The following ABCG8 variants were observed in gnomAD, a reference collection of about 807,000 sequenced individuals.
The protein encoded by ABCG8 is ATP binding cassette subfamily G member 8, also known as ATP-binding cassette sub-family G member 8.
In ABCG8, 81 loss-of-function variants were observed where a neutral mutation model predicts 71.3. That is an observed-to-expected ratio of 1.14 (90% CI 0.95 to 1.37). The LOEUF is 1.37. Among genes scored for constraint, ABCG8 ranks in the 40% most tolerant of loss-of-function variants. The probability of loss-of-function intolerance (pLI) is 0.00; values close to 1 mark genes in which losing one functional copy is unlikely to be tolerated. For synonymous variants in ABCG8, 451 were observed against 354.7 expected, an observed-to-expected ratio of 1.27 and a Z score of -3.05; for missense variants, 1,119 against 866.2, an observed-to-expected ratio of 1.29 and a Z score of -3.66.
intron 8 of ABCG8, among the ~76,000 whole-genome samples, 158 bp from the exon 9 acceptor site, chr2:43,873,629 G>T (rs778457188): frequency 1.3e-4 from 20 of 152,128 alleles, no homozygotes; most frequent in Non-Finnish European, 2.5e-4. Context: ...GCTGTCATCA[G>T]TTTTCTGATT....
At chr2:43,857,631 A>C (rs1410799863) in intron 6 of ABCG8, among the ~76,000 whole-genome samples, 1 of 151,766 alleles carries the variant, frequency 6.6e-6, no homozygotes, top group Non-Finnish European at 1.5e-5. Context: ...CACCACCTAG[A>C]TAGAACTCTC....
Position 43,882,664 on chromosome 2 carries a change from CCT to C in ABCG8, c.*4752_*4753del, listed in dbSNP as rs1322839376. ...GTGGCCTGGGTACAGAGCAACATCC[CCT>C]GTCTTTATCACATGAGCTCTGCCTG... On this transcript the variant is annotated 3_prime_UTR_variant, in exon 13 of 13. Coordinates refer to ENST00000272286, the MANE Select transcript of ABCG8 (RefSeq NM_022437.3). 2.0e-5 allele frequency: 3 copies of C among 152,300 alleles called. No homozygotes were observed. The East Asian group carries it at 5.8e-4, about 29-fold the overall frequency. The allele number at this position is 152,300 out of a possible 1,614,324, so 9.4% of individuals were successfully genotyped here.
chr2:43,876,448 G>A (rs1669961398), intron 11 of ABCG8, among the ~76,000 whole-genome samples: 1 of 151,570 alleles, frequency 6.6e-6, no homozygotes, highest in Non-Finnish European at 1.5e-5. Flanking sequence ...GGGAGACTGT[G>A]TCGATATAAA....
At chr2:43,872,415 A>G (rs759086250) in intron 8 of ABCG8, 109 bp downstream of exon 8, 11 of 1,306,732 alleles carry the variant, frequency 8.4e-6, no homozygotes, top group Non-Finnish European at 1.2e-5. Context: ...TGAGAGGTAG[A>G]GTCATTTGAA....
chr2:43,870,240 G>T (rs2104942867), intron 6 of ABCG8, among the ~76,000 whole-genome samples: 1 of 151,580 alleles, frequency 6.6e-6, no homozygotes, highest in African/African-American at 2.4e-5. Context: ...TCACTCTCTG[G>T]ATAGAACTAG....
rs763045725 is a variant in ABCG8, at chr2:43,852,742, T to A, written c.838T>A (p.Phe280Ile). 1 of 1,614,050 alleles carries A rather than the reference T, an allele frequency of 6.2e-7. No individual in the cohort carries two copies. The highest frequency in any genetic ancestry group is 1.3e-5 in the African/African-American group (1 of 74,922). The stretch of plus-strand genomic sequence containing the variant: ...GCCTCGCTCTGACATCTTCAGGCTG[T>A]TTGATCTGGTCCTCCTGATGACGTC... ...HQPRSDIFRL[F>I]DLVLLMTSGT... The change falls in exon 6 of 13, where the codon TTT becomes ATT. Residue 280 changes from phenylalanine to isoleucine, a missense_variant. Coordinates refer to ENST00000272286, the MANE Select transcript of ABCG8 (RefSeq NM_022437.3).
At chr2:43,871,815 C>G (rs1330961903) in intron 6 of ABCG8, among the ~76,000 whole-genome samples, 161 bp from the exon 7 acceptor site, 1 of 152,204 alleles carries the variant, frequency 6.6e-6, no homozygotes, top group Non-Finnish European at 1.5e-5. Context: ...CCCTCTGCCT[C>G]TCTCTGCTCT....
At chr2:43,842,202 A>G (rs1446568752) in intron 1 of ABCG8, among the ~76,000 whole-genome samples, 2 of 152,022 alleles carry the variant, frequency 1.3e-5, no homozygotes, top group Admixed American at 1.3e-4. Flanking sequence ...TAGTAGAGAC[A>G]GGGTTTCACT....
chr2:43,863,578 A>C (rs546794416), intron 6 of ABCG8, among the ~76,000 whole-genome samples: 1 of 151,652 alleles, frequency 6.6e-6, no homozygotes, highest in African/African-American at 2.4e-5. Context: ...ATCTGGATAG[A>C]ATTCTATGTC....
Position 43,878,182 on chromosome 2 carries a change from T to C in ABCG8, c.*269T>C, listed in dbSNP as rs1670025812. On this transcript the variant is annotated 3_prime_UTR_variant, in exon 13 of 13. Coordinates refer to ENST00000272286, the MANE Select transcript of ABCG8 (RefSeq NM_022437.3). Reference sequence around the variant, plus strand: ...TGGCACCTACAACGTTGCTAATTTATTTCCTTTTGATATGCATTTATATAG... The same window carrying C: ...TGGCACCTACAACGTTGCTAATTTACTTCCTTTTGATATGCATTTATATAG... 2.0e-6 allele frequency: 1 copy of C among 511,448 alleles called. No homozygotes were observed. Among genetic ancestry groups the C allele is most frequent in the Non-Finnish European group, 3.6e-6 (1 of 281,420 alleles). 31.7% of individuals were successfully genotyped at this position (511,448 alleles called of 1,614,324 possible). A position where few individuals can be genotyped will look rare whatever the true frequency, so the allele number is the denominator to read the frequency against.
At chr2:43,854,083 G>A (rs1369157872) in intron 6 of ABCG8, among the ~76,000 whole-genome samples, 1 of 152,196 alleles carries the variant, frequency 6.6e-6, no homozygotes, top group East Asian at 1.9e-4. Flanking sequence ...CCCAGAGAGG[G>A]GTTACCAGAA....
In ABCG8 at chr2:43,877,802, G is replaced by A. The variant is rs200406894; in HGVS notation, c.1911G>A (p.Ser637=). ...DKILSVMELD[S]YPLYAIYLIV... ...TCCTCAGTGTCATGGAGCTGGACTC[G>A]TACCCTCTCTACGCCATCTACCTCA... Residue 637 remains serine, a synonymous_variant, in exon 13 of 13, where the codon TCG becomes TCA. Coordinates refer to ENST00000272286, the MANE Select transcript of ABCG8 (RefSeq NM_022437.3). The A allele has an allele frequency of 3.7e-6, 6 of 1,614,092 alleles. No individual in the cohort carries two copies. In the Admixed American group the frequency reaches 5.0e-5, roughly 13 times the overall value.
intron 6 of ABCG8, among the ~76,000 whole-genome samples, chr2:43,868,335 T>A (rs376742683): frequency 2.6e-5 from 4 of 151,474 alleles, no homozygotes; most frequent in African/African-American, 9.7e-5. Context: ...ATCTGTCTGG[T>A]AGAATTCTCA....
chr2:43,846,174 T>A lies in ABCG8; in HGVS notation c.185T>A (p.Val62Asp). Residue 62 changes from valine (V) to aspartate (D), a missense_variant, in exon 3 of 13, where the codon GTC (valine) becomes GAC (aspartate). Coordinates refer to ENST00000272286, the MANE Select transcript of ABCG8 (RefSeq NM_022437.3). ...CCACAGGTGGACCTGGCCTCTCAGG[T>A]CCCTTGGTTTGAGCAGCTGGCTCAG... ...LNYQVDLASQ[V>D]PWFEQLAQFK... 6.2e-7 allele frequency: 1 copy of A among 1,613,644 alleles called. No individual in the cohort carries two copies. Among genetic ancestry groups the A allele is most frequent in the South Asian group, 1.1e-5 (1 of 91,038 alleles).
chr2:43,877,447 G>C (rs1323573042), intron 11 of ABCG8, 114 bp from the exon 12 acceptor site: 65 of 1,536,440 alleles, frequency 4.2e-5, no homozygotes, highest in Non-Finnish European at 5.7e-5. Context: ...TGCAAATATG[G>C]GCAGACCATG....
chr2:43,873,722 C>G, intron 8 of ABCG8, 65 bp from the exon 9 acceptor site: 3 of 1,536,966 alleles, frequency 2.0e-6, no homozygotes, highest in Non-Finnish European at 2.7e-6. Context: ...GAGACTGTGA[C>G]ATTCCCAGGG....
chr2:43,858,689 G>C (rs770923319), intron 6 of ABCG8, among the ~76,000 whole-genome samples: 3 of 151,136 alleles, frequency 2.0e-5, no homozygotes, highest in Non-Finnish European at 4.4e-5. Flanking sequence ...TCACACTCTG[G>C]TTAGAACTCT....
At chr2:43,844,162 G>T (rs987581964) in intron 1 of ABCG8, among the ~76,000 whole-genome samples, 1 of 152,138 alleles carries the variant, frequency 6.6e-6, no homozygotes, top group Non-Finnish European at 1.5e-5. Flanking sequence ...TCTTCTCAGA[G>T]CACAGAGGTT....
intron 6 of ABCG8, among the ~76,000 whole-genome samples, chr2:43,867,391 A>C (rs1181519433): frequency 7.2e-5 from 11 of 151,918 alleles, no homozygotes; most frequent in Non-Finnish European, 1.3e-4. Flanking sequence ...AACTCTCACT[A>C]TCTGGATAAA....
Sources: allele counts gnomAD v4.1 joint callset (sites outside exome capture counted in the v4.1 genomes callset), GRCh38; gene constraint gnomAD v4.1.1; transcripts MANE v1.5; gene names NCBI Gene and HGNC (gene_info 2026-07-23, HGNC 2026-07-21).